CDH18: variants seen among roughly 807,000 people sequenced by gnomAD.
CDH18 encodes the protein cadherin-18.
CDH18 carries 31 observed loss-of-function variants against 67.9 expected under a neutral mutation model. That is an observed-to-expected ratio of 0.46 (90% CI 0.34 to 0.62). The LOEUF (loss-of-function observed/expected upper bound fraction) is 0.62, where lower values mean the gene tolerates loss of function less well. Ranked by LOEUF, CDH18 falls within the 20% of genes least tolerant of loss-of-function variation. CDH18 has a pLI of 0.01. For missense variants in CDH18, 890 were observed against 975.5 expected, an observed-to-expected ratio of 0.91 and a Z score of 1.17; for synonymous variants, 362 against 347.2, an observed-to-expected ratio of 1.04 and a Z score of -0.48.
At position 20,398,319 on chromosome 5, in the gene CDH18, C is replaced by T. The variant is rs190691240; in HGVS notation, c.-579-142814G>A. Among the ~76,000 whole-genome samples the T allele has an allele frequency of 2.0e-3, 300 of 152,218 alleles. 2 individuals are homozygous for T. The highest frequency in any genetic ancestry group is 7.0e-3 in the African/African-American group (289 of 41,530). ...TTCTTAAAATGTATACAGATGAATA[C>T]TTGCCATTTTTGAAGTGACTAGTTT... On this transcript the variant is annotated intron_variant, in intron 1 of 14. Transcript: ENST00000507958.
At chr5:20,575,348 G>A (rs1166106449) in intron 1 of CDH18, 5 of 151,984 alleles carry the variant, frequency 3.3e-5, no homozygotes, top group African/African-American at 7.2e-5. Flanking sequence ...CTTGTGTATA[G>A]AATTTACTTT....
At chr5:20,512,627 T>A (rs1490793068) in intron 1 of CDH18, among the ~76,000 whole-genome samples, 1 of 152,082 alleles carries the variant, frequency 6.6e-6, no homozygotes, top group East Asian at 1.9e-4. Context: ...GTCACGCCTA[T>A]AATCCCAACA....
intron 3 of CDH18, among the ~76,000 whole-genome samples, chr5:19,754,274 C>T (rs7730784): frequency 0.14 from 20,898 of 152,070 alleles, 1,633 homozygotes; most frequent in African/African-American, 0.2. Context: ...ACTCACCTAA[C>T]ACATAAAGAC....
At chr5:20,006,021 G>A (rs979074404) in intron 2 of CDH18, among the ~76,000 whole-genome samples, 6 of 151,788 alleles carry the variant, frequency 4.0e-5, no homozygotes, top group Non-Finnish European at 5.9e-5. Context: ...GAAAATAAGA[G>A]AACAACTAGG....
chr5:20,044,050 G>A (rs1740687658), intron 2 of CDH18, among the ~76,000 whole-genome samples: 1 of 152,040 alleles, frequency 6.6e-6, no homozygotes, highest in Non-Finnish European at 1.5e-5. Context: ...CTCATTTCCT[G>A]TACATAATAG....
chr5:20,050,677 TAAG>T (rs1361220336), intron 2 of CDH18, among the ~76,000 whole-genome samples: 1 of 151,828 alleles, frequency 6.6e-6, no homozygotes, highest in Non-Finnish European at 1.5e-5. Flanking sequence ...CTAAGGTCAA[TAAG>T]AAGGTTAATG....
At chr5:20,415,469 G>A (rs1165435863) in intron 1 of CDH18, among the ~76,000 whole-genome samples, 1 of 152,064 alleles carries the variant, frequency 6.6e-6, no homozygotes, top group Non-Finnish European at 1.5e-5. Flanking sequence ...ATATCATTCA[G>A]CCTTAAAAAA....
intron 4 of CDH18, among the ~76,000 whole-genome samples, chr5:19,737,812 A>G (rs932834994): frequency 3.6e-4 from 55 of 152,214 alleles, no homozygotes; most frequent in Non-Finnish European, 7.5e-4. Context: ...TGCTTTGATT[A>G]AAAGATAGGG....
chr5:20,283,504 C>T (rs1045988008), intron 1 of CDH18, among the ~76,000 whole-genome samples: 1 of 150,504 alleles, frequency 6.6e-6, no homozygotes, highest in African/African-American at 2.5e-5. Context: ...AAAAGATGTT[C>T]ATGATCACGG....
intron 1 of CDH18, among the ~76,000 whole-genome samples, chr5:20,338,748 G>C (rs542171100): frequency 3.3e-5 from 5 of 152,308 alleles, no homozygotes; most frequent in African/African-American, 9.6e-5. Flanking sequence ...CCTGCAAAAT[G>C]AGTGAAGAAT....
At chr5:20,070,215 T>C (rs558010327) in intron 2 of CDH18, among the ~76,000 whole-genome samples, 11 of 152,358 alleles carry the variant, frequency 7.2e-5, no homozygotes, top group African/African-American at 1.4e-4. Context: ...TGTCTTTTTA[T>C]GGCTTGATAA....
At chr5:19,780,995 A>AATAT (rs1425264805) in intron 3 of CDH18, among the ~76,000 whole-genome samples, 3 of 152,162 alleles carry the variant, frequency 2.0e-5, no homozygotes, top group Non-Finnish European at 4.4e-5. Context: ...AAATATTTAA[A>AATAT]ACGCCTGTAG....
chr5:19,720,265 T>C (rs2150573741), intron 5 of CDH18, among the ~76,000 whole-genome samples: 1 of 152,286 alleles, frequency 6.6e-6, no homozygotes, highest in African/African-American at 2.4e-5. Flanking sequence ...TATAAAGAGA[T>C]ATTTATGATT....
chr5:20,570,536 T>C (rs559530729), intron 1 of CDH18, among the ~76,000 whole-genome samples: 2 of 152,246 alleles, frequency 1.3e-5, no homozygotes, highest in East Asian at 3.9e-4. Flanking sequence ...GGTAGACAGG[T>C]AAATAACACT....
chr5:20,377,626 A>G (rs1743569694), intron 1 of CDH18, among the ~76,000 whole-genome samples: 1 of 152,218 alleles, frequency 6.6e-6, no homozygotes, highest in South Asian at 2.1e-4. Flanking sequence ...TTGGAACCGT[A>G]TTTGGTACTG....
intron 5 of CDH18, among the ~76,000 whole-genome samples, chr5:19,686,564 T>C (rs534565254): frequency 1.3e-5 from 2 of 152,258 alleles, no homozygotes; most frequent in South Asian, 4.1e-4. Flanking sequence ...ATACATACAT[T>C]TTGTGTATTC....
chr5:20,043,478 G>C (rs1179003196), intron 2 of CDH18, among the ~76,000 whole-genome samples: 1 of 152,162 alleles, frequency 6.6e-6, no homozygotes, highest in African/African-American at 2.4e-5. Context: ...TGGACCAGAA[G>C]GGGGCTTGAT....
intron 1 of CDH18, among the ~76,000 whole-genome samples, chr5:20,411,970 A>G (rs1746823537): frequency 6.6e-6 from 1 of 152,202 alleles, no homozygotes; most frequent in South Asian, 2.1e-4. Flanking sequence ...AAAGCAATCT[A>G]CAGATTCACT....
At chr5:19,482,103 A>T (rs981908275) in intron 12 of CDH18, among the ~76,000 whole-genome samples, 4 of 151,932 alleles carry the variant, frequency 2.6e-5, no homozygotes, top group Admixed American at 2.0e-4. Context: ...CAAATAAAAA[A>T]TTTATTTTAT....
Sources: gnomAD v4.1 joint callset for allele counts (sites outside exome capture counted in the v4.1 genomes callset) on GRCh38, gnomAD v4.1.1 for gene constraint, MANE v1.5 for transcripts, NCBI Gene and HGNC (gene_info 2026-07-23, HGNC 2026-07-21) for gene names.